Variants in MME observed in about 807,000 individuals in gnomAD.
The protein encoded by MME is membrane metalloendopeptidase, also known as neprilysin.
In MME, 98 loss-of-function variants were observed where a neutral mutation model predicts 113.2. The observed-to-expected ratio is 0.87, with a 90% confidence interval of 0.74 to 1.02. The LOEUF (loss-of-function observed/expected upper bound fraction) is 1.02, where lower values mean the gene tolerates loss of function less well. MME is among the 50% of genes least tolerant of loss of function. The pLI is 0.00. For synonymous variants in MME, 292 were observed against 300.6 expected (o/e 0.97, Z 0.30); for missense variants, 836 against 896.0 (o/e 0.93, Z 0.86).
Position 155,085,048 on chromosome 3 carries a change from C to T in MME, c.161-11C>T, listed in dbSNP as rs201622614. 913 of 1,576,188 alleles carry T rather than the reference C, an allele frequency of 5.8e-4. No individual in the cohort carries two copies. Among genetic ancestry groups the T allele is most frequent in the Non-Finnish European group, 7.5e-4 (863 of 1,152,000 alleles). ...TTGCCAATATTTATGTATATTCTCT[C>T]CTTTTTCTAGATGGTATTTGCAAGT... On this transcript the variant is annotated splice_polypyrimidine_tract_variant and intron_variant, in intron 2 of 22. Transcript: ENST00000360490.
upstream of MME, chr3:155,079,626 G>C (rs1285709053): frequency 6.8e-6 from 1 of 146,642 alleles, no homozygotes; most frequent in Non-Finnish European, 1.5e-5. Flanking sequence ...GGCGGGGTAG[G>C]GGGTGGGGGG....
At chr3:155,113,080 G>A (rs907499074) in intron 3 of MME, among the ~76,000 whole-genome samples, 2 of 152,086 alleles carry the variant, frequency 1.3e-5, no homozygotes, top group Non-Finnish European at 2.9e-5. Flanking sequence ...GGTAGAATTT[G>A]GAAAGAATGA....
intron 3 of MME, chr3:155,090,530 G>A (rs1160694689): frequency 6.6e-6 from 1 of 152,090 alleles, no homozygotes; most frequent in Non-Finnish European, 1.5e-5. Context: ...CTATTCTTAT[G>A]GTTTGGGGCC....
At chr3:155,155,954 T>G (rs1484084286) in intron 16 of MME, among the ~76,000 whole-genome samples, 1 of 152,218 alleles carries the variant, frequency 6.6e-6, no homozygotes, top group African/African-American at 2.4e-5. Flanking sequence ...ACAGTAGTAA[T>G]TTTCCATTAC....
chr3:155,035,353 T>C (rs1409041087), intron 1 of MME, among the ~76,000 whole-genome samples: 1 of 149,192 alleles, frequency 6.7e-6, no homozygotes, highest in African/African-American at 2.4e-5. Flanking sequence ...AATAAAATAA[T>C]AAATATGTAT....
At chr3:155,029,147 C>A (rs1161709310) in intron 1 of MME, among the ~76,000 whole-genome samples, 1 of 152,110 alleles carries the variant, frequency 6.6e-6, no homozygotes, top group African/African-American at 2.4e-5. Flanking sequence ...AAAAGGGAAG[C>A]ACAATTTTTC....
chr3:155,024,923 A>G (rs1183354885), intron 1 of MME, among the ~76,000 whole-genome samples: 2 of 152,228 alleles, frequency 1.3e-5, no homozygotes, highest in African/African-American at 4.8e-5. Flanking sequence ...AAGCATAGGA[A>G]GGACCATCAA....
chr3:155,062,781 G>A (rs956911432), intron 1 of MME, among the ~76,000 whole-genome samples: 29 of 151,970 alleles, frequency 1.9e-4, no homozygotes, highest in Middle Eastern at 3.4e-3. Flanking sequence ...TTGACTGGGC[G>A]CAGTGGCTCA....
chr3:155,050,634 GA>G (rs1713728772), intron 1 of MME, among the ~76,000 whole-genome samples: 1 of 151,974 alleles, frequency 6.6e-6, no homozygotes, highest in Non-Finnish European at 1.5e-5. Flanking sequence ...GTTTTCTTTT[GA>G]AAAAATGTTT....
intron 9 of MME, among the ~76,000 whole-genome samples, chr3:155,138,905 TA>T (rs897556895): frequency 6.6e-6 from 1 of 152,216 alleles, no homozygotes; most frequent in African/African-American, 2.4e-5. Flanking sequence ...GGTTACTGAT[TA>T]AACCCATCGT....
Position 155,058,339 on chromosome 3 carries a change from A to C in MME, c.-10-25819A>C, listed in dbSNP as rs143773969. Among the ~76,000 whole-genome samples the C allele has an allele frequency of 3.2e-4, 49 of 152,292 alleles. 1 individual carries two copies. In the East Asian group the frequency reaches 9.4e-3, roughly 29 times the overall value. On this transcript the variant is annotated intron_variant, in intron 1 of 22. Transcript: ENST00000492661. ...TGAAGGCAATGACAGTGTCCTATTTACTCTTCACTCCCCTACCCCTACCAC... is the reference window on the plus strand; with the variant it reads ...TGAAGGCAATGACAGTGTCCTATTTCCTCTTCACTCCCCTACCCCTACCAC...
intron 1 of MME, among the ~76,000 whole-genome samples, chr3:155,042,385 C>T (rs879476862): frequency 6.6e-6 from 1 of 152,062 alleles, no homozygotes; most frequent in Non-Finnish European, 1.5e-5. Context: ...AATGTCTTTT[C>T]CTATGTCATG....
Position 155,180,466 on chromosome 3 carries a change from A to C in MME, c.*7A>C, listed in dbSNP as rs957918719. 6.2e-7 allele frequency: 1 copy of C among 1,609,014 alleles called. No individual in the cohort carries two copies. The highest frequency in any genetic ancestry group is 1.3e-5 in the African/African-American group (1 of 74,918). ...GAAGTGCCGGGTTTGGTGATCTTCAAAAGAAGCATTGCAGCCCTTGGCTAG... is the reference window on the plus strand; with the variant it reads ...GAAGTGCCGGGTTTGGTGATCTTCACAAGAAGCATTGCAGCCCTTGGCTAG... On this transcript the variant is annotated 3_prime_UTR_variant, in exon 23 of 23. Transcript: ENST00000360490.
At chr3:155,101,114 C>T (rs988717792) in intron 3 of MME, among the ~76,000 whole-genome samples, 6 of 152,086 alleles carry the variant, frequency 3.9e-5, no homozygotes, top group Non-Finnish European at 5.9e-5. Context: ...GTTCTTGCCA[C>T]GTGAGATGCC....
chr3:155,133,685 T>C (rs1295343126), intron 8 of MME, among the ~76,000 whole-genome samples: 16 of 86,684 alleles, frequency 1.8e-4, no homozygotes, highest in Admixed American at 2.5e-4. Context: ...TATATATATA[T>C]ATACCATACA....
intron 1 of MME, among the ~76,000 whole-genome samples, chr3:155,050,269 A>G (rs1249578304): frequency 1.3e-5 from 2 of 152,160 alleles, no homozygotes; most frequent in African/African-American, 4.8e-5. Flanking sequence ...TGTCTTTGCT[A>G]TTATAAATAG....
intron 8 of MME, among the ~76,000 whole-genome samples, chr3:155,125,775 A>G (rs928765479): frequency 3.3e-5 from 5 of 151,944 alleles, no homozygotes; most frequent in Non-Finnish European, 5.9e-5. Context: ...CTTTTCTTAC[A>G]GAAAGTAAGG....
At chr3:155,095,059 T>A (rs1576718855) in intron 3 of MME, among the ~76,000 whole-genome samples, 1 of 152,314 alleles carries the variant, frequency 6.6e-6, no homozygotes, top group South Asian at 2.1e-4. Flanking sequence ...TGAGGAATAG[T>A]GATTTTCAAA....
At chr3:155,102,386 C>T (rs1028983068) in intron 3 of MME, among the ~76,000 whole-genome samples, 4 of 152,070 alleles carry the variant, frequency 2.6e-5, no homozygotes, top group African/African-American at 9.7e-5. Flanking sequence ...TATGGATTAC[C>T]TTGAAATACC....
Sources: allele counts gnomAD v4.1 joint callset (sites outside exome capture counted in the v4.1 genomes callset), GRCh38; gene constraint gnomAD v4.1.1; transcripts MANE v1.5; gene names NCBI Gene and HGNC (gene_info 2026-07-23, HGNC 2026-07-21).